The following PTPN2 variants were observed in gnomAD, a reference collection of about 807,000 sequenced individuals.
PTPN2 encodes protein tyrosine phosphatase non-receptor type 2.
PTPN2 carries 19 observed loss-of-function variants against 57.3 expected under a neutral mutation model. The ratio of observed to expected loss-of-function variants is 0.33; its 90% CI spans 0.23 to 0.49. The LOEUF is 0.49. PTPN2 is among the 20% of genes least tolerant of loss of function. PTPN2 has a pLI of 0.99. For synonymous variants in PTPN2, 153 were observed against 164.9 expected, an observed-to-expected ratio of 0.93 and a Z score of 0.55; for missense variants, 358 against 501.1, an observed-to-expected ratio of 0.71 and a Z score of 2.73.
At chr18:12,800,799 G>A (rs1003227931) in intron 8 of PTPN2, among the ~76,000 whole-genome samples, 1 of 152,122 alleles carries the variant, frequency 6.6e-6, no homozygotes, top group African/African-American at 2.4e-5. Context: ...GCAGGAGAGA[G>A]GAAAGAAAAA....
chr18:12,870,177 A>G (rs2044139419), intron 1 of PTPN2, among the ~76,000 whole-genome samples: 1 of 148,798 alleles, frequency 6.7e-6, no homozygotes, highest in African/African-American at 2.5e-5. Flanking sequence ...GTGGTTACAA[A>G]TGAGAAAACA....
chr18:12,801,344 C>G (rs932270160), intron 8 of PTPN2, among the ~76,000 whole-genome samples: 1 of 151,972 alleles, frequency 6.6e-6, no homozygotes, highest in African/African-American at 2.4e-5. Flanking sequence ...GAAACCCTCT[C>G]TCTACTAAAA....
Position 12,794,348 on chromosome 18 carries a change from C to A in PTPN2, c.1178G>T (p.Gly393Val). The A allele has an allele frequency of 6.2e-7, 1 of 1,614,122 alleles. No homozygotes were observed. Among genetic ancestry groups the A allele is most frequent in the Non-Finnish European group, 8.5e-7 (1 of 1,180,020 alleles). ...LYWQPILTKM[G>V]FMSVILVGAF... is the part of the protein sequence containing the mutation. ...GCCAACCAAAATGACTGACATAAAC[C>A]CCATCTTAGTGAGAATAGGTTGCCA... The change falls in exon 9 of 9, where the codon GGG becomes GTG. Residue 393 changes from glycine to valine, a missense_variant. Around this residue, in one of 4 missense-constraint regions of PTPN2, gnomAD observed 96 missense variants for 110.8 expected, o/e 0.87. Transcript: ENST00000309660.
At chr18:12,881,589 TG>T (rs2044668318) in intron 1 of PTPN2, among the ~76,000 whole-genome samples, 1 of 152,186 alleles carries the variant, frequency 6.6e-6, no homozygotes. Context: ...AAACTGTGGG[TG>T]GTTCTCTCAG....
At chr18:12,818,249 AT>A (rs2042145570) in intron 5 of PTPN2, among the ~76,000 whole-genome samples, 2 of 152,138 alleles carry the variant, frequency 1.3e-5, no homozygotes, top group Non-Finnish European at 2.9e-5. Flanking sequence ...CGTTCACATG[AT>A]TATCTTTTAG....
intron 1 of PTPN2, among the ~76,000 whole-genome samples, chr18:12,870,355 ATATATATGTG>A (rs1568168910): frequency 0.019 from 898 of 48,394 alleles, 65 homozygotes; most frequent in South Asian, 0.037. Flanking sequence ...ATATATGTGT[ATATATATGTG>A]TATATATACA....
intron 1 of PTPN2, among the ~76,000 whole-genome samples, chr18:12,867,040 A>C (rs993597917): frequency 3.3e-5 from 5 of 151,672 alleles, no homozygotes; most frequent in African/African-American, 1.2e-4. Flanking sequence ...AAAAAAAAAA[A>C]ACAAAAACAC....
intron 5 of PTPN2, among the ~76,000 whole-genome samples, chr18:12,824,957 A>G (rs2042398185): frequency 6.6e-6 from 1 of 152,160 alleles, no homozygotes; most frequent in Non-Finnish European, 1.5e-5. Context: ...ATGGTGGCTC[A>G]TGCCTGTAAT....
chr18:12,858,621 T>C (rs190934388), intron 2 of PTPN2, among the ~76,000 whole-genome samples: 43 of 152,330 alleles, frequency 2.8e-4, no homozygotes, highest in African/African-American at 9.1e-4. Context: ...TGTGGCAAGA[T>C]TCTAATTTTC....
chr18:12,874,573 C>A (rs539361638), intron 1 of PTPN2, among the ~76,000 whole-genome samples: 2 of 120,350 alleles, frequency 1.7e-5, no homozygotes, highest in Non-Finnish European at 3.4e-5. Context: ...CCGCCCCGTC[C>A]GGGAGGGAGG....
chr18:12,835,382 C>CTTTCTTTTTTTTTTTTTTTTTTTTTTT (rs2042821259), intron 3 of PTPN2, among the ~76,000 whole-genome samples: 6 of 99,018 alleles, frequency 6.1e-5, no homozygotes, highest in African/African-American at 2.1e-4. Flanking sequence ...TCACATATGT[C>CTTTCTTTTTTTTTTTTTTTTTTTTTTT]TTTTTTTTTT....
chr18:12,861,549 T>C (rs745360527), intron 1 of PTPN2, among the ~76,000 whole-genome samples: 2 of 152,246 alleles, frequency 1.3e-5, no homozygotes, highest in African/African-American at 2.4e-5. Context: ...CATGATATTT[T>C]AATTAATTTT....
intron 9 of PTPN2, chr18:12,786,245 G>T (rs2040841006): frequency 5.6e-6 from 1 of 177,130 alleles, no homozygotes; most frequent in Non-Finnish European, 1.2e-5. Flanking sequence ...CAATACTTTG[G>T]AATTCAATGC....
intron 2 of PTPN2, among the ~76,000 whole-genome samples, chr18:12,850,381 C>A (rs953347600): frequency 6.6e-6 from 1 of 151,804 alleles, no homozygotes; most frequent in South Asian, 2.1e-4. Context: ...CCCAGCTACT[C>A]GAGGGGCTGA....
chr18:12,801,869 TA>T, intron 8 of PTPN2, 100 bp downstream of exon 8: 1 of 1,147,588 alleles, frequency 8.7e-7, no homozygotes, highest in Non-Finnish European at 1.2e-6. Context: ...TTTCCTAATA[TA>T]AAAATTACAT....
intron 1 of PTPN2, among the ~76,000 whole-genome samples, chr18:12,873,611 G>C (rs1423929489): frequency 6.6e-6 from 1 of 152,194 alleles, no homozygotes; most frequent in Non-Finnish European, 1.5e-5. Context: ...CCAGGCTGGA[G>C]TGCAGTGGCG....
At chr18:12,852,826 T>G (rs184559884) in intron 2 of PTPN2, among the ~76,000 whole-genome samples, 1 of 152,350 alleles carries the variant, frequency 6.6e-6, no homozygotes, top group East Asian at 1.9e-4. Flanking sequence ...AATAAACATT[T>G]CCAGACCGGC....
chr18:12,804,600 T>C (rs1387808410), intron 7 of PTPN2, among the ~76,000 whole-genome samples: 2 of 151,872 alleles, frequency 1.3e-5, no homozygotes, highest in African/African-American at 4.8e-5. Flanking sequence ...GAGACTATTA[T>C]AAACAACTGT....
chr18:12,850,794 C>A (rs1440589549), intron 2 of PTPN2, among the ~76,000 whole-genome samples: 4 of 151,856 alleles, frequency 2.6e-5, no homozygotes, highest in Non-Finnish European at 4.4e-5. Flanking sequence ...GGCTGGAGTG[C>A]AGTGGCACAA....
Sources: allele counts gnomAD v4.1 joint callset (sites outside exome capture counted in the v4.1 genomes callset), GRCh38; gene constraint gnomAD v4.1.1; regional missense constraint gnomAD v4.1.1; transcripts MANE v1.5; gene names NCBI Gene and HGNC (gene_info 2026-07-23, HGNC 2026-07-21).